Variants in TSC22D1 observed in about 807,000 individuals in gnomAD.
TSC22D1 encodes the protein TSC22 domain family protein 1.
In TSC22D1, 9 loss-of-function variants were observed where a neutral mutation model predicts 74.2. That is an observed-to-expected ratio of 0.12 (90% confidence interval 0.07 to 0.21). The LOEUF (loss-of-function observed/expected upper bound fraction) is 0.21. Among genes scored for constraint, TSC22D1 ranks in the 10% least tolerant of loss-of-function variants. TSC22D1 has a pLI of 1.00. For missense variants in TSC22D1, 1,427 were observed against 1,304.7 expected (o/e 1.09, Z -1.44); for synonymous variants, 586 against 492.5 (o/e 1.19, Z -2.51).
chr13:44,540,609 T>C (rs1313867527), intron 1 of TSC22D1, among the ~76,000 whole-genome samples: 1 of 152,188 alleles, frequency 6.6e-6, no homozygotes, highest in African/African-American at 2.4e-5. Flanking sequence ...TTAAAATGCA[T>C]AATCATTTTC....
intron 1 of TSC22D1, among the ~76,000 whole-genome samples, chr13:44,492,332 T>C (rs961986314): frequency 1.3e-5 from 2 of 152,230 alleles, no homozygotes; most frequent in Non-Finnish European, 2.9e-5. Flanking sequence ...ATGTAATTTA[T>C]TGAATACTCA....
Position 44,455,529 on chromosome 13 carries a change from C to A in TSC22D1, c.2913-19434G>T, listed in dbSNP as rs114713649. Among the ~76,000 whole-genome samples the A allele has an allele frequency of 9.2e-3, 1,394 of 152,276 alleles. 29 individuals are homozygous for A. Among genetic ancestry groups the A allele is most frequent in the African/African-American group, 0.03 (1,248 of 41,548 alleles). ...ATTACATGCCACTTTATATTCTAAA[C>A]TAGTTTCTTCAAGAATTATTTTGGG... On this transcript the variant is annotated intron_variant, in intron 1 of 2. Coordinates refer to ENST00000458659, the MANE Select transcript of TSC22D1 (RefSeq NM_183422.4).
intron 1 of TSC22D1, among the ~76,000 whole-genome samples, chr13:44,444,933 AT>A (rs955513141): frequency 6.6e-6 from 1 of 152,200 alleles, no homozygotes; most frequent in Non-Finnish European, 1.5e-5. Flanking sequence ...AACTCTTTCT[AT>A]AAAGAAAACC....
At chr13:44,548,313 T>C (rs1216958386) in intron 1 of TSC22D1, among the ~76,000 whole-genome samples, 1 of 152,194 alleles carries the variant, frequency 6.6e-6, no homozygotes, top group Non-Finnish European at 1.5e-5. Flanking sequence ...GGTCAGGAGT[T>C]AGAGACCAGC....
intron 1 of TSC22D1, among the ~76,000 whole-genome samples, chr13:44,447,833 CTTTT>C (rs5803260): frequency 1.4e-4 from 18 of 129,466 alleles, no homozygotes; most frequent in Admixed American, 1.4e-3. Flanking sequence ...AATGCCTTTT[CTTTT>C]TTTTTTTTTT....
At chr13:44,453,348 ATGC>A (rs1876310257) in intron 1 of TSC22D1, among the ~76,000 whole-genome samples, 1 of 152,242 alleles carries the variant, frequency 6.6e-6, no homozygotes, top group African/African-American at 2.4e-5. Flanking sequence ...AATTTTTAAA[ATGC>A]ACAAGTTATA....
chr13:44,542,087 A>C (rs983659812), intron 1 of TSC22D1, among the ~76,000 whole-genome samples: 2 of 152,106 alleles, frequency 1.3e-5, no homozygotes, highest in African/African-American at 4.8e-5. Flanking sequence ...AAATAGTTTA[A>C]AACCTATTCA....
rs754570265 is a variant in TSC22D1, at chr13:44,575,534, G to C, written c.541C>G (p.Gln181Glu). 1.2e-6 allele frequency: 2 copies of C among 1,614,100 alleles called. No individual in the cohort carries two copies. The highest frequency in any genetic ancestry group is 4.5e-5 in the East Asian group (2 of 44,888). Residue 181 changes from glutamine (Q) to glutamate (E), a missense_variant, in exon 1 of 3, where the codon CAG becomes GAG. Physicochemically the swap from Gln to Glu is conservative, Grantham distance 29. Around this residue, in one of 3 missense-constraint regions of TSC22D1, gnomAD observed 1,343 missense variants for 1,191.5 expected, o/e 1.13. Coordinates refer to ENST00000458659, the MANE Select transcript of TSC22D1 (RefSeq NM_183422.4). ...SSSEETLNNFQEAETPGAVSP... is the reference protein window; with the variant it reads ...SSSEETLNNFEEAETPGAVSP... ...ACTGCCCCAGGTGTCTCGGCTTCCT[G>C]GAAGTTATTTAGGGTCTCTTCTGAG...
At chr13:44,552,226 C>T (rs1269735728) in intron 1 of TSC22D1, among the ~76,000 whole-genome samples, 1 of 152,168 alleles carries the variant, frequency 6.6e-6, no homozygotes, top group East Asian at 1.9e-4. Context: ...TTTTTGACAA[C>T]CCTTTCTGTA....
chr13:44,558,828 C>T (rs555486342), intron 1 of TSC22D1, among the ~76,000 whole-genome samples: 3 of 152,208 alleles, frequency 2.0e-5, no homozygotes, highest in African/African-American at 7.2e-5. Flanking sequence ...ATATCATGAT[C>T]GTTATTATGG....
chr13:44,558,111 A>C (rs913327353), intron 1 of TSC22D1, among the ~76,000 whole-genome samples: 19 of 152,196 alleles, frequency 1.2e-4, no homozygotes, highest in African/African-American at 4.6e-4. Context: ...ATGCCTCTAT[A>C]CTCAATAGGC....
intron 1 of TSC22D1, chr13:44,436,861 G>A (rs1004219765): frequency 1.0e-5 from 13 of 1,256,556 alleles, no homozygotes; most frequent in African/African-American, 4.6e-5. Context: ...CTCTAGACCA[G>A]GACTCCCAGT....
chr13:44,501,573 G>A (rs911177615), intron 1 of TSC22D1, among the ~76,000 whole-genome samples: 2 of 152,112 alleles, frequency 1.3e-5, no homozygotes, highest in African/African-American at 2.4e-5. Context: ...GGGTGGAGGG[G>A]GTAGCGTATT....
chr13:44,440,368 C>G (rs1482445387), intron 1 of TSC22D1, among the ~76,000 whole-genome samples: 2 of 152,122 alleles, frequency 1.3e-5, no homozygotes, highest in African/African-American at 4.8e-5. Context: ...CACTTGAGGT[C>G]AGGAGTTCAA....
chr13:44,510,603 G>GTT (rs1879671335), intron 1 of TSC22D1, among the ~76,000 whole-genome samples: 1 of 152,008 alleles, frequency 6.6e-6, no homozygotes, highest in Non-Finnish European at 1.5e-5. Flanking sequence ...GTTTTGTTTT[G>GTT]TTTTGTTTGG....
In TSC22D1 at chr13:44,549,109, T is replaced by C. The variant is rs190655105; in HGVS notation, c.2912+24054A>G. On this transcript the variant is annotated intron_variant, in intron 1 of 2. Transcript: ENST00000458659. ...ATGCTGTGGCTGACCTGAATTTTAA[T>C]ATATTTTAAGTATTACTTATGATAG... Among the ~76,000 whole-genome samples, 3 of 152,324 alleles carry C rather than the reference T, an allele frequency of 2.0e-5. No individual in the cohort carries two copies. In the East Asian group the frequency reaches 5.8e-4, roughly 29 times the overall value.
chr13:44,435,939 G>T, intron 2 of TSC22D1, 105 bp downstream of exon 2: 1 of 1,177,090 alleles, frequency 8.5e-7, no homozygotes, highest in Non-Finnish European at 1.2e-6. Flanking sequence ...CGCGCATCAA[G>T]AGCAATCATC....
chr13:44,515,443 A>G (rs1879934605), intron 1 of TSC22D1, among the ~76,000 whole-genome samples: 1 of 151,694 alleles, frequency 6.6e-6, no homozygotes, highest in Non-Finnish European at 1.5e-5. Context: ...AGTGAAAAAA[A>G]TCTTTTTTTT....
At chr13:44,452,068 GAC>G (rs1345933264) in intron 1 of TSC22D1, among the ~76,000 whole-genome samples, 1 of 152,212 alleles carries the variant, frequency 6.6e-6, no homozygotes, top group African/African-American at 2.4e-5. Flanking sequence ...AATTGCTAGA[GAC>G]ACAAGCTTAG....
Sources: gnomAD v4.1 joint callset for allele counts (sites outside exome capture counted in the v4.1 genomes callset) on GRCh38, gnomAD v4.1.1 for gene constraint, gnomAD v4.1.1 regional missense constraint, MANE v1.5 for transcripts, NCBI Gene and HGNC (gene_info 2026-07-23, HGNC 2026-07-21) for gene names.